Variants in DLGAP2 observed in about 807,000 individuals in gnomAD.
The protein encoded by DLGAP2 is disks large-associated protein 2.
In DLGAP2, 26 loss-of-function variants were observed where a neutral mutation model predicts 100.3. The observed-to-expected ratio is 0.26, with a 90% CI of 0.19 to 0.36. The LOEUF (loss-of-function observed/expected upper bound fraction) is 0.36, where lower values mean the gene tolerates loss of function less well. Ranked by LOEUF, DLGAP2 falls within the 10% of genes least tolerant of loss-of-function variation. The pLI, the probability that DLGAP2 is intolerant of heterozygous loss-of-function variation, is 1.00. For missense variants in DLGAP2, 1,858 were observed against 1,453.2 expected, an observed-to-expected ratio of 1.28 and a Z score of -4.53; for synonymous variants, 886 against 630.1, an observed-to-expected ratio of 1.41 and a Z score of -6.08.
chr8:820,486 A>T (rs982667592), intron 1 of DLGAP2, among the ~76,000 whole-genome samples: 1 of 152,250 alleles, frequency 6.6e-6, no homozygotes, highest in African/African-American at 2.4e-5. Context: ...CTCGAAAGCA[A>T]TGAAAAATTT....
At position 737,646 on chromosome 8, in the gene DLGAP2, GC is replaced by G. The variant is rs1434839977; in HGVS notation, c.-161del. 5.7e-6 allele frequency: 2 copies of G among 351,410 alleles called. No homozygotes were observed. Among genetic ancestry groups the G allele is most frequent in the Non-Finnish European group, 1.0e-5 (2 of 195,900 alleles). The allele number at this position is 351,410 out of a possible 1,614,324, so 21.8% of individuals were successfully genotyped here. On this transcript the variant is annotated 5_prime_UTR_variant, in exon 1 of 15. Transcript: ENST00000637795. Reference sequence around the variant, plus strand: ...GCCGTGAAGACCGACCGTGCGCCGGGCTCGAGCGCGGTCTGAGCGCGCGGCG... The same window carrying G: ...GCCGTGAAGACCGACCGTGCGCCGGGTCGAGCGCGGTCTGAGCGCGCGGCG...
intron 3 of DLGAP2, among the ~76,000 whole-genome samples, chr8:1,432,490 TTGAAATTGCCAC>T (rs1228121682): frequency 6.6e-6 from 1 of 152,212 alleles, no homozygotes. Context: ...GCATATTGTC[TTGAAATTGCCAC>T]TGAAATTGTT....
At chr8:1,194,772 C>G (rs1047009549) in intron 2 of DLGAP2, among the ~76,000 whole-genome samples, 1 of 152,210 alleles carries the variant, frequency 6.6e-6, no homozygotes, top group Non-Finnish European at 1.5e-5. Flanking sequence ...GTTTGGAACC[C>G]TCTGTTCCCT....
intron 2 of DLGAP2, among the ~76,000 whole-genome samples, chr8:911,857 C>G (rs1315270363): frequency 6.6e-6 from 1 of 152,218 alleles, no homozygotes; most frequent in Non-Finnish European, 1.5e-5. Flanking sequence ...CCACATTTCC[C>G]TGACAGTGAG....
In DLGAP2 at chr8:1,046,002, GA is replaced by G. The variant is rs1436214135; in HGVS notation, c.73+138037del. 7.9e-5 allele frequency among the ~76,000 whole-genome samples: 12 copies of G among 152,296 alleles called. No individual in the cohort carries two copies. The Middle Eastern group carries it at 0.01, about 130-fold the overall frequency. On this transcript the variant is annotated intron_variant, in intron 2 of 14. Coordinates refer to ENST00000637795, the MANE Select transcript of DLGAP2 (RefSeq NM_001346810.2). ...AAAGCCTTTGGGTTTTAATTAGTGA[GA>G]GGGGGAAAGTGAGAGAATGCTAGGA...
intron 2 of DLGAP2, among the ~76,000 whole-genome samples, chr8:1,142,266 G>A (rs1267096504): frequency 1.3e-5 from 2 of 151,994 alleles, no homozygotes; most frequent in East Asian, 1.9e-4. Flanking sequence ...CAGAATGAAG[G>A]GTTATACAGT....
chr8:1,625,234 G>C (rs143227376), intron 6 of DLGAP2, among the ~76,000 whole-genome samples: 1 of 152,158 alleles, frequency 6.6e-6, no homozygotes, highest in Non-Finnish European at 1.5e-5. Flanking sequence ...TCCAAAACAG[G>C]CAAGAAGAAT....
chr8:1,267,605 A>AAATAAAAT (rs1491118972), intron 3 of DLGAP2, among the ~76,000 whole-genome samples: 1 of 99,900 alleles, frequency 1.0e-5, no homozygotes, highest in Non-Finnish European at 1.9e-5. Flanking sequence ...AGATAAGATA[A>AAATAAAAT]GATAAGATAA....
chr8:1,076,596 TGTGAATGAC>T (rs1044488199), intron 2 of DLGAP2, among the ~76,000 whole-genome samples: 2 of 152,216 alleles, frequency 1.3e-5, no homozygotes, highest in Admixed American at 1.3e-4. Context: ...CGTTTTCACT[TGTGAATGAC>T]GTTAGAAACT....
intron 3 of DLGAP2, among the ~76,000 whole-genome samples, chr8:1,456,949 C>A (rs1798333693): frequency 6.6e-6 from 1 of 152,208 alleles, no homozygotes; most frequent in African/African-American, 2.4e-5. Flanking sequence ...GACAACACAT[C>A]ACAGCACACT....
intron 2 of DLGAP2, among the ~76,000 whole-genome samples, chr8:914,226 G>A (rs1265324249): frequency 1.3e-5 from 2 of 152,254 alleles, no homozygotes; most frequent in Non-Finnish European, 2.9e-5. Context: ...GAGCTGGAGG[G>A]AGGAAGCGAA....
chr8:1,256,261 C>G (rs1331363973), intron 2 of DLGAP2, among the ~76,000 whole-genome samples: 1 of 131,438 alleles, frequency 7.6e-6, no homozygotes, highest in East Asian at 2.5e-4. Context: ...GTGTCCTCTC[C>G]TGCCTGGGTG....
At chr8:1,654,507 C>G (rs1225069344) in intron 8 of DLGAP2, among the ~76,000 whole-genome samples, 1 of 151,504 alleles carries the variant, frequency 6.6e-6, no homozygotes, top group African/African-American at 2.4e-5. Context: ...ACTAAAGATA[C>G]AAAATTAGCC....
rs527967743 is a variant in DLGAP2, at chr8:1,701,328, G to A, written c.3090G>A (p.Ala1030=). ...RRRLMAAKRA[A]SFRQNSASER... ...GCCTCATGGCCGCCAAGCGAGCGGCGTCCTTCCGGCAGAATTCCGCCTCCG... is the reference window on the plus strand; with the variant it reads ...GCCTCATGGCCGCCAAGCGAGCGGCATCCTTCCGGCAGAATTCCGCCTCCG... The change falls in exon 15 of 15, where the codon GCG becomes GCA. Residue 1030 remains alanine (A), a synonymous_variant. Coordinates refer to ENST00000637795, the MANE Select transcript of DLGAP2 (RefSeq NM_001346810.2). The A allele has an allele frequency of 1.3e-6, 2 of 1,591,176 alleles. No homozygotes were observed. The highest frequency in any genetic ancestry group is 2.7e-5 in the African/African-American group (2 of 74,472).
chr8:1,376,434 C>T (rs1268603759), intron 3 of DLGAP2, among the ~76,000 whole-genome samples: 1 of 152,262 alleles, frequency 6.6e-6, no homozygotes, highest in African/African-American at 2.4e-5. Context: ...TGCCCACCTG[C>T]TGGTGGCAGT....
At chr8:1,331,721 C>T (rs575557583) in intron 3 of DLGAP2, among the ~76,000 whole-genome samples, 10 of 152,280 alleles carry the variant, frequency 6.6e-5, no homozygotes, top group Admixed American at 3.9e-4. Flanking sequence ...AGGGTCCTTC[C>T]GACGTTTAAA....
intron 2 of DLGAP2, among the ~76,000 whole-genome samples, chr8:1,190,574 C>T (rs10108808): frequency 0.43 from 65,875 of 151,912 alleles, 14,402 homozygotes; most frequent in Non-Finnish European, 0.46. Context: ...CAGGGCACTG[C>T]GAGCCGCCTG....
chr8:1,432,156 T>C (rs6998119), intron 3 of DLGAP2, among the ~76,000 whole-genome samples: 32,042 of 151,670 alleles, frequency 0.21, 3,813 homozygotes, highest in Middle Eastern at 0.29. Context: ...CCACTTCACA[T>C]ACTCATAAGG....
intron 3 of DLGAP2, among the ~76,000 whole-genome samples, chr8:1,472,787 C>G (rs1266676981): frequency 2.0e-5 from 3 of 152,130 alleles, no homozygotes; most frequent in African/African-American, 2.4e-5. Flanking sequence ...GAGTTGAACT[C>G]CCATAAAATG....
Sources: allele counts gnomAD v4.1 joint callset (sites outside exome capture counted in the v4.1 genomes callset), GRCh38; gene constraint gnomAD v4.1.1; transcripts MANE v1.5; gene names NCBI Gene and HGNC (gene_info 2026-07-23, HGNC 2026-07-21).